SDK1: variants seen among roughly 807,000 people sequenced by gnomAD.
SDK1 encodes the protein sidekick cell adhesion molecule 1.
Under a neutral mutation model 245.5 loss-of-function variants are expected in SDK1, and 157 were observed. The ratio of observed to expected loss-of-function variants is 0.64; its 90% CI spans 0.56 to 0.73. The LOEUF (loss-of-function observed/expected upper bound fraction) is 0.73. SDK1 is among the 30% of genes least tolerant of loss of function. SDK1 has a pLI of 0.00. For synonymous variants in SDK1, 1,647 were observed against 1,278.5 expected, an observed-to-expected ratio of 1.29 and a Z score of -6.15; for missense variants, 3,583 against 3,002.3, an observed-to-expected ratio of 1.19 and a Z score of -4.52.
chr7:3,511,792 G>GT (rs1347381525), intron 1 of SDK1, among the ~76,000 whole-genome samples: 7 of 131,352 alleles, frequency 5.3e-5, no homozygotes, highest in South Asian at 2.6e-4. Flanking sequence ...TGTTTTTTTT[G>GT]TTTTTTGTTT....
intron 21 of SDK1, among the ~76,000 whole-genome samples, chr7:4,077,592 G>A (rs948287265): frequency 1.1e-4 from 16 of 152,210 alleles, no homozygotes; most frequent in Non-Finnish European, 2.2e-4. Context: ...CAGGTTTAAT[G>A]GACTTACAGT....
At chr7:3,435,321 C>CTTTTT (rs71029672) in intron 1 of SDK1, among the ~76,000 whole-genome samples, 12 of 56,898 alleles carry the variant, frequency 2.1e-4, no homozygotes, top group African/African-American at 5.5e-4. Flanking sequence ...AGGGGACTGC[C>CTTTTT]TTTTTTTTTT....
intron 8 of SDK1, among the ~76,000 whole-genome samples, chr7:3,959,392 C>T (rs1013498247): frequency 1.2e-4 from 19 of 152,110 alleles, no homozygotes; most frequent in African/African-American, 4.3e-4. Context: ...GTGACTAGGA[C>T]TGGTGAGCAC....
At chr7:3,751,855 G>A (rs1779783063) in intron 4 of SDK1, among the ~76,000 whole-genome samples, 3 of 152,084 alleles carry the variant, frequency 2.0e-5, no homozygotes, top group Admixed American at 1.3e-4. Flanking sequence ...TGGGAAACTG[G>A]TTTTCTACTT....
chr7:3,451,983 C>A (rs1177794248), intron 1 of SDK1, among the ~76,000 whole-genome samples: 1 of 152,112 alleles, frequency 6.6e-6, no homozygotes. Flanking sequence ...TTTTTGTATA[C>A]AGAAAACATA....
At position 3,997,808 on chromosome 7, in the gene SDK1, C is replaced by T. The variant is rs572892791; in HGVS notation, c.2131+10486C>T. Among the ~76,000 whole-genome samples the T allele has an allele frequency of 4.6e-5, 7 of 152,262 alleles. No individual in the cohort carries two copies. In the East Asian group the frequency reaches 5.8e-4, roughly 13 times the overall value. ...CACTGGCCTGAAGGTGGGGCCTCAC[C>T]GGAGACCCACCTTCTTCTGCCCAGG... On this transcript the variant is annotated intron_variant, in intron 14 of 44. Coordinates refer to ENST00000404826, the MANE Select transcript of SDK1 (RefSeq NM_152744.4).
At chr7:3,637,078 C>A (rs929534754) in intron 2 of SDK1, among the ~76,000 whole-genome samples, 6 of 143,210 alleles carry the variant, frequency 4.2e-5, no homozygotes, top group South Asian at 2.2e-4. Flanking sequence ...AGAGAGAGTG[C>A]GTGCGCGCGT....
intron 4 of SDK1, among the ~76,000 whole-genome samples, chr7:3,716,052 C>G (rs948879233): frequency 2.0e-5 from 3 of 148,930 alleles, no homozygotes; most frequent in African/African-American, 7.5e-5. Context: ...AAAGATAGAT[C>G]GGTGAATATG....
At chr7:4,248,499 CA>C (rs1787061214) in intron 44 of SDK1, among the ~76,000 whole-genome samples, 1 of 151,344 alleles carries the variant, frequency 6.6e-6, no homozygotes, top group Non-Finnish European at 1.5e-5. Context: ...AACATATACA[CA>C]CCTAAATACA....
chr7:3,669,766 G>C (rs780446333), intron 4 of SDK1, among the ~76,000 whole-genome samples: 2 of 152,100 alleles, frequency 1.3e-5, no homozygotes, highest in Non-Finnish European at 2.9e-5. Context: ...TCACTCCTTT[G>C]AGTTTCAAAC....
At position 4,033,648 on chromosome 7, in the gene SDK1, A is replaced by G. The variant is rs561902319; in HGVS notation, c.2603-15700A>G. ...GAAGAAAATTAGAAGAAAAATGGGCAAGCTCTATGAAACAAGAGTTCACAG... is the reference window on the plus strand; with the variant it reads ...GAAGAAAATTAGAAGAAAAATGGGCGAGCTCTATGAAACAAGAGTTCACAG... On this transcript the variant is annotated intron_variant, in intron 17 of 44. Coordinates refer to ENST00000404826, the MANE Select transcript of SDK1 (RefSeq NM_152744.4). 2.0e-4 allele frequency among the ~76,000 whole-genome samples: 31 copies of G among 152,310 alleles called. 1 individual carries two copies. Among genetic ancestry groups the G allele is most frequent in the African/African-American group, 7.2e-4 (30 of 41,570 alleles).
intron 1 of SDK1, among the ~76,000 whole-genome samples, chr7:3,452,433 C>T (rs1054286538): frequency 6.6e-6 from 1 of 152,118 alleles, no homozygotes; most frequent in Non-Finnish European, 1.5e-5. Context: ...TTGTAGAGAG[C>T]CTCTTACTAT....
At chr7:3,689,919 A>G (rs563280335) in intron 4 of SDK1, among the ~76,000 whole-genome samples, 91 of 152,382 alleles carry the variant, frequency 6.0e-4, no homozygotes, top group African/African-American at 2.2e-3. Flanking sequence ...TGTCTATTGC[A>G]AACAAAAATA....
chr7:3,619,333 T>G, intron 2 of SDK1, 94 bp downstream of exon 2: 1 of 1,029,794 alleles, frequency 9.7e-7, no homozygotes, highest in Non-Finnish European at 1.4e-6. Context: ...AGTGAAAATA[T>G]TGGATTGAAT....
intron 13 of SDK1, among the ~76,000 whole-genome samples, chr7:3,986,471 T>C (rs1783834718): frequency 6.6e-6 from 1 of 152,252 alleles, no homozygotes; most frequent in African/African-American, 2.4e-5. Context: ...AACATTCCCG[T>C]TACATGTATC....
chr7:3,646,597 C>T (rs1252962845), intron 4 of SDK1, among the ~76,000 whole-genome samples: 1 of 152,232 alleles, frequency 6.6e-6, no homozygotes, highest in Non-Finnish European at 1.5e-5. Context: ...GCCTGACACT[C>T]AGTCTCATGC....
At chr7:3,553,029 G>A (rs767220017) in intron 1 of SDK1, among the ~76,000 whole-genome samples, 1 of 151,874 alleles carries the variant, frequency 6.6e-6, no homozygotes, top group South Asian at 2.1e-4. Context: ...AAAATACAGA[G>A]AAATAGTAAA....
intron 4 of SDK1, among the ~76,000 whole-genome samples, chr7:3,723,971 GAGAGAGAA>G (rs1460796101): frequency 6.8e-6 from 1 of 146,778 alleles, no homozygotes; most frequent in African/African-American, 2.5e-5. Context: ...GAGAGAGAGA[GAGAGAGAA>G]AGAGAGAGAG....
chr7:3,599,821 C>A (rs942761918), intron 1 of SDK1, among the ~76,000 whole-genome samples: 1 of 152,168 alleles, frequency 6.6e-6, no homozygotes, highest in African/African-American at 2.4e-5. Context: ...CTATGAATAC[C>A]ATACTGTCCT....
Sources: gnomAD v4.1 joint callset for allele counts (sites outside exome capture counted in the v4.1 genomes callset) on GRCh38, gnomAD v4.1.1 for gene constraint, MANE v1.5 for transcripts, NCBI Gene and HGNC (gene_info 2026-07-23, HGNC 2026-07-21) for gene names.